USP54: variants seen among roughly 807,000 people sequenced by gnomAD.
The protein encoded by USP54 is ubiquitin carboxyl-terminal hydrolase 54.
Under a neutral mutation model 170.5 loss-of-function variants are expected in USP54, and 87 were observed. The observed-to-expected ratio is 0.51, with a 90% CI of 0.43 to 0.61. The LOEUF is 0.61. Ranked by LOEUF, USP54 falls within the 20% of genes least tolerant of loss-of-function variation. The probability of loss-of-function intolerance (pLI) is 0.00; values close to 1 mark genes in which losing one functional copy is unlikely to be tolerated. For missense variants in USP54, 1,786 were observed against 2,047.8 expected (o/e 0.87, Z 2.47); for synonymous variants, 655 against 742.8 (o/e 0.88, Z 1.92).
Position 73,500,780 on chromosome 10 carries a change from G to A in USP54, c.4370C>T (p.Ser1457Phe), listed in dbSNP as rs374734222. ...AGAAGGGTCATGGATGACAGGGAGG[G>A]AAGAGGAGCTGGAACAACGGTGCCC... ...ETGHRCSSSS[S>F]LPVIHDPSVF... Residue 1457 changes from serine (S) to phenylalanine (F), a missense_variant, in exon 23 of 24, where the codon TCC becomes TTC. This residue lies in a region of USP54 where 1,418 missense variants were observed against 1,569.0 expected (regional missense o/e 0.90). Coordinates refer to ENST00000687698, the MANE Select transcript of USP54 (RefSeq NM_001391956.1). The A allele has an allele frequency of 6.2e-7, 1 of 1,601,200 alleles. No individual in the cohort carries two copies. Among genetic ancestry groups the A allele is most frequent in the Non-Finnish European group, 8.5e-7 (1 of 1,175,584 alleles).
rs1401565845 is a variant in USP54 at position 73,545,865 on chromosome 10, TA to T, written c.241-194del. Among the ~76,000 whole-genome samples the T allele has an allele frequency of 7.9e-5, 12 of 152,278 alleles. No individual in the cohort carries two copies. In the East Asian group the frequency reaches 2.3e-3, roughly 29 times the overall value. On this transcript the variant is annotated intron_variant, in intron 4 of 23. Coordinates refer to ENST00000687698, the MANE Select transcript of USP54 (RefSeq NM_001391956.1). ...GAATGAAGGGCATGATCTGTGCTAATAAAGATCCTCACTCCTTCATCTGAGT... is the reference window on the plus strand; with the variant it reads ...GAATGAAGGGCATGATCTGTGCTAATAAGATCCTCACTCCTTCATCTGAGT...
At chr10:73,612,929 C>T (rs1044546948) in intron 1 of USP54, among the ~76,000 whole-genome samples, 1 of 150,660 alleles carries the variant, frequency 6.6e-6, no homozygotes, top group Non-Finnish European at 1.5e-5. Context: ...ACCAAGATAG[C>T]AGAATCACTT....
At chr10:73,596,283 C>A (rs1288678362), upstream of USP54, among the ~76,000 whole-genome samples, 1 of 151,984 alleles carries the variant, frequency 6.6e-6, no homozygotes, top group Non-Finnish European at 1.5e-5. Context: ...TTAGGCTGGG[C>A]ACGGTGGCTC....
intron 12 of USP54, among the ~76,000 whole-genome samples, chr10:73,533,063 T>G (rs2064363729): frequency 1.3e-5 from 2 of 152,166 alleles, no homozygotes; most frequent in Admixed American, 6.6e-5. Flanking sequence ...TCCCAGCACT[T>G]TGGGAGGCCG....
At chr10:73,509,362 G>T (rs1234782161) in intron 20 of USP54, among the ~76,000 whole-genome samples, 1 of 151,440 alleles carries the variant, frequency 6.6e-6, no homozygotes, top group Non-Finnish European at 1.5e-5. Flanking sequence ...AGCACTTTGG[G>T]AGGCCAAGGC....
At chr10:73,546,445 GC>G (rs1163570849) in intron 4 of USP54, 2 of 152,060 alleles carry the variant, frequency 1.3e-5, no homozygotes, top group East Asian at 3.9e-4. Flanking sequence ...TCAACCTCCT[GC>G]CTCAGCATCC....
At chr10:73,549,828 T>C (rs567779261) in intron 4 of USP54, among the ~76,000 whole-genome samples, 38 of 152,306 alleles carry the variant, frequency 2.5e-4, no homozygotes, top group Non-Finnish European at 5.0e-4. Flanking sequence ...CATATCATTC[T>C]TCTGCTCAAA....
At position 73,602,122 on chromosome 10, in the gene USP54, G is replaced by A. The variant is rs72814321; in HGVS notation, c.-18+23445C>T. On this transcript the variant is annotated intron_variant, in intron 1 of 22. Transcript: ENST00000339859. ...GCTAAATGTACTGTATGTATTTAGA[G>A]CTAAAATGTTCCCAACTCAGGTTTG... Among the ~76,000 whole-genome samples, 561 of 152,322 alleles carry A rather than the reference G, an allele frequency of 3.7e-3. 2 individuals are homozygous for A. Among genetic ancestry groups the A allele is most frequent in the Admixed American group, 0.012 (186 of 15,300 alleles).
chr10:73,525,795 C>A (rs929981687), intron 16 of USP54, among the ~76,000 whole-genome samples: 2 of 152,206 alleles, frequency 1.3e-5, no homozygotes, highest in Admixed American at 6.5e-5. Context: ...GTATACATAC[C>A]TAAAAGGGTT....
intron 4 of USP54, among the ~76,000 whole-genome samples, chr10:73,547,521 G>T (rs761424142): frequency 3.3e-5 from 5 of 152,120 alleles, no homozygotes; most frequent in Non-Finnish European, 7.3e-5. Context: ...CATGGTACTG[G>T]TACCAAAACA....
At chr10:73,532,884 G>A (rs1564726245) in intron 12 of USP54, among the ~76,000 whole-genome samples, 2 of 152,172 alleles carry the variant, frequency 1.3e-5, no homozygotes, top group African/African-American at 2.4e-5. Flanking sequence ...TCATCAGAAT[G>A]CATAGACCTC....
Position 73,534,762 on chromosome 10 carries a change from G to A in USP54, c.1153C>T (p.Pro385Ser), listed in dbSNP as rs1289107098. The A allele has an allele frequency of 7.4e-6, 12 of 1,613,632 alleles. No individual in the cohort carries two copies. The East Asian group carries it at 2.7e-4, about 36-fold the overall frequency. Reference protein sequence around the residue: ...CYDSEDSGREPSISSDTRTDS... With the variant: ...CYDSEDSGRESSISSDTRTDS... ...GTTCGAGTGTCACTTGAGATGGAGG[G>A]CTCCCTCCCTGAGAGGAGGAGGAAA... Residue 385 changes from proline to serine, a missense_variant, in exon 12 of 24, where the codon CCC becomes TCC. By Grantham distance (74) the Pro-to-Ser change is moderately conservative (BLOSUM62 -1). Coordinates refer to ENST00000687698, the MANE Select transcript of USP54 (RefSeq NM_001391956.1).
At chr10:73,558,808 C>G (rs543064463) in intron 4 of USP54, among the ~76,000 whole-genome samples, 1 of 152,106 alleles carries the variant, frequency 6.6e-6, no homozygotes. Flanking sequence ...ACTTTTGACA[C>G]CCCAAAAACT....
chr10:73,582,417 G>A (rs898702764), intron 1 of USP54, among the ~76,000 whole-genome samples: 11 of 150,666 alleles, frequency 7.3e-5, no homozygotes, highest in Non-Finnish European at 1.6e-4. Flanking sequence ...ACAGAGTCTC[G>A]CTCTGTCACC....
rs548956069 is a variant in USP54, at chr10:73,584,540, G to A, written c.-582+6738C>T. Among the ~76,000 whole-genome samples, 7 of 152,244 alleles carry A rather than the reference G, an allele frequency of 4.6e-5. 1 individual carries two copies. In the South Asian group the frequency reaches 1.2e-3, roughly 27 times the overall value. ...ACCTGTTTCTCAGAGCTAAATGTGCGCAGAATGAATTAACAGAGAAGTTTA... is the reference window on the plus strand; with the variant it reads ...ACCTGTTTCTCAGAGCTAAATGTGCACAGAATGAATTAACAGAGAAGTTTA... On this transcript the variant is annotated intron_variant, in intron 1 of 23. Transcript: ENST00000687698.
Position 73,517,124 on chromosome 10 carries a change from C to T in USP54, c.3302G>A (p.Ser1101Asn). The T allele has an allele frequency of 6.2e-7, 1 of 1,614,220 alleles. No individual in the cohort carries two copies. The highest frequency in any genetic ancestry group is 8.5e-7 in the Non-Finnish European group (1 of 1,180,042). ...TTTTAAAGTCAATGAAGTTTTGAGGCTTTGGCCTTGGAGGCATTGGTTAGT... is the reference window on the plus strand; with the variant it reads ...TTTTAAAGTCAATGAAGTTTTGAGGTTTTGGCCTTGGAGGCATTGGTTAGT... ...QKTNQCLQGQ[S>N]LKTSLTLKVD... The change falls in exon 20 of 24, where the codon AGC (serine) becomes AAC (asparagine). Residue 1101 changes from serine to asparagine, a missense_variant. This residue lies in a region of USP54 where 1,418 missense variants were observed against 1,569.0 expected (regional missense o/e 0.90). Coordinates refer to ENST00000687698, the MANE Select transcript of USP54 (RefSeq NM_001391956.1).
upstream of USP54, among the ~76,000 whole-genome samples, chr10:73,591,739 C>A (rs749126429): frequency 3.9e-5 from 6 of 152,156 alleles, no homozygotes; most frequent in East Asian, 1.2e-3. Flanking sequence ...AAGGGCCAGT[C>A]CCCCACAAAA....
rs190326352 is a variant in USP54, at chr10:73,503,706, A to T, written c.4311+1144T>A. Among the ~76,000 whole-genome samples the T allele has an allele frequency of 2.6e-5, 4 of 152,300 alleles. No homozygotes were observed. In the East Asian group the frequency reaches 7.7e-4, roughly 29 times the overall value. ...ATGAACGATAAATTGAATGAAACTT[A>T]CTATAAATTCGGCTGGGTTTTTTTG... is the stretch of plus-strand genomic sequence containing the variant. On this transcript the variant is annotated intron_variant, in intron 22 of 23. Transcript: ENST00000687698.
chr10:73,613,598 C>A (rs1038992525), intron 1 of USP54, among the ~76,000 whole-genome samples: 3 of 151,814 alleles, frequency 2.0e-5, no homozygotes, highest in African/African-American at 4.8e-5. Context: ...TCTTGAAAAC[C>A]CAAAAGGGCT....
Sources: gnomAD v4.1 joint callset for allele counts (sites outside exome capture counted in the v4.1 genomes callset) on GRCh38, gnomAD v4.1.1 for gene constraint, gnomAD v4.1.1 regional missense constraint, MANE v1.5 for transcripts, NCBI Gene and HGNC (gene_info 2026-07-23, HGNC 2026-07-21) for gene names.